The following EP300 variants were observed in gnomAD, a reference collection of about 807,000 sequenced individuals.
The protein encoded by EP300 is histone acetyltransferase p300.
Under a neutral mutation model 264.0 loss-of-function variants are expected in EP300, and 31 were observed. That is an observed-to-expected ratio of 0.12 (90% CI 0.09 to 0.16). The LOEUF is 0.16. EP300 is among the 10% of genes least tolerant of loss of function. The pLI is 1.00. For synonymous variants in EP300, 1,340 were observed against 1,045.4 expected (o/e 1.28, Z -5.44); for missense variants, 2,766 against 3,052.9 (o/e 0.91, Z 2.21).
chr22:41,096,079 TC>T (rs2058700212), intron 1 of EP300, among the ~76,000 whole-genome samples: 1 of 152,166 alleles, frequency 6.6e-6, no homozygotes, highest in South Asian at 2.1e-4. Context: ...TTGCATTTGA[TC>T]CATTGAAATT....
chr22:41,096,195 C>T (rs897711113), intron 1 of EP300, among the ~76,000 whole-genome samples: 1 of 152,024 alleles, frequency 6.6e-6, no homozygotes, highest in East Asian at 1.9e-4. Context: ...CACTTGTAAA[C>T]TTTTTTTGTA....
chr22:41,178,999 T>A lies in EP300; in HGVS notation c.*43T>A. 1 of 1,607,430 alleles carries A rather than the reference T, an allele frequency of 6.2e-7. No individual in the cohort carries two copies. Among genetic ancestry groups the A allele is most frequent in the Non-Finnish European group, 8.5e-7 (1 of 1,178,206 alleles). ...TTGGGAGCAAAAAAATTATTTTCTCTTAACAAGACTTTTTGTACTGAAAAC... is the reference window on the plus strand; with the variant it reads ...TTGGGAGCAAAAAAATTATTTTCTCATAACAAGACTTTTTGTACTGAAAAC... On this transcript the variant is annotated 3_prime_UTR_variant, in exon 31 of 31. Transcript: ENST00000263253.
chr22:41,135,852 A>C lies in EP300; in HGVS notation c.1568A>C (p.Gln523Pro). ...GGAGTAAATGGAGGTGTAGGAGTTC[A>C]AACGCCGAGTCTTCTTTCTGACTCA... ...PMGVNGGVGV[Q>P]TPSLLSDSML... The change falls in exon 7 of 31, where the codon CAA becomes CCA. Residue 523 changes from glutamine to proline, a missense_variant. By Grantham distance (76) the Gln-to-Pro change is moderately conservative. Transcript: ENST00000263253. The C allele has an allele frequency of 6.2e-7, 1 of 1,614,160 alleles. No individual in the cohort carries two copies. Among genetic ancestry groups the C allele is most frequent in the Non-Finnish European group, 8.5e-7 (1 of 1,180,016 alleles).
chr22:41,152,396 A>G (rs1255970580), intron 16 of EP300, 46 bp downstream of exon 16: 1 of 1,585,886 alleles, frequency 6.3e-7, no homozygotes, highest in Admixed American at 1.8e-5. Context: ...GAAGAAACCA[A>G]AGACCCAGGG....
At chr22:41,119,668 G>C (rs993943802) in intron 2 of EP300, among the ~76,000 whole-genome samples, 5 of 151,954 alleles carry the variant, frequency 3.3e-5, no homozygotes, top group African/African-American at 1.2e-4. Context: ...GGGGGTGTGG[G>C]ACTATTATGG....
At chr22:41,132,195 CAA>C (rs528307828) in intron 6 of EP300, among the ~76,000 whole-genome samples, 6 of 82,790 alleles carry the variant, frequency 7.2e-5, no homozygotes, top group African/African-American at 4.6e-5. Flanking sequence ...GACTCCATCT[CAA>C]AAAAAAAAAA....
intron 6 of EP300, 80 bp from the exon 7 acceptor site, chr22:41,135,733 T>TG: frequency 8.8e-7 from 1 of 1,133,872 alleles, no homozygotes; most frequent in Non-Finnish European, 1.3e-6. Context: ...GATTTGTCAT[T>TG]TGTTTCTTAA....
chr22:41,132,207 A>C (rs1271264209), intron 6 of EP300, among the ~76,000 whole-genome samples: 1 of 151,908 alleles, frequency 6.6e-6, no homozygotes. Flanking sequence ...AAAAAAAAAA[A>C]AATACTATGT....
At position 41,179,773 on chromosome 22, in the gene EP300, A is replaced by G; in HGVS notation, c.*817A>G. ...TTTTTACATCTAACAAAGTAAAAAAATTAAAAAGAGGGTAAGAAACGATTC... is the reference window on the plus strand; with the variant it reads ...TTTTTACATCTAACAAAGTAAAAAAGTTAAAAAGAGGGTAAGAAACGATTC... On this transcript the variant is annotated 3_prime_UTR_variant, in exon 31 of 31. Transcript: ENST00000263253. The G allele has an allele frequency of 4.3e-6, 1 of 231,724 alleles. No homozygotes were observed. The highest frequency in any genetic ancestry group is 8.6e-6 in the Non-Finnish European group (1 of 116,948). The allele number at this position is 231,724 out of a possible 1,614,324, so 14.4% of individuals were successfully genotyped here.
Position 41,180,047 on chromosome 22 carries a change from C to T in EP300, c.*1091C>T, listed in dbSNP as rs2059234952. 4.3e-6 allele frequency: 1 copy of T among 230,278 alleles called. No individual in the cohort carries two copies. Among genetic ancestry groups the T allele is most frequent in the South Asian group, 1.8e-4 (1 of 5,510 alleles). 14.3% of individuals were successfully genotyped at this position (230,278 alleles called of 1,614,324 possible). Reference sequence around the variant, plus strand: ...ACTGTTAAATTTGATTTCTTATTACCTATTGTTAAATAAACTGTGTGAGAC... The same window carrying T: ...ACTGTTAAATTTGATTTCTTATTACTTATTGTTAAATAAACTGTGTGAGAC... On this transcript the variant is annotated 3_prime_UTR_variant, in exon 31 of 31. Transcript: ENST00000263253.
chr22:41,108,568 C>T (rs2058771350), intron 1 of EP300, among the ~76,000 whole-genome samples: 2 of 152,194 alleles, frequency 1.3e-5, no homozygotes, highest in East Asian at 3.9e-4. Flanking sequence ...CTTTTCACAT[C>T]AGATTTATAT....
chr22:41,100,210 C>T (rs1409190992), intron 1 of EP300, among the ~76,000 whole-genome samples: 1 of 152,166 alleles, frequency 6.6e-6, no homozygotes, highest in Non-Finnish European at 1.5e-5. Context: ...ACACTCCAGC[C>T]TAGGTGACAT....
chr22:41,156,281 C>T (rs1166027303), intron 17 of EP300, among the ~76,000 whole-genome samples: 1 of 152,068 alleles, frequency 6.6e-6, no homozygotes, highest in Non-Finnish European at 1.5e-5. Flanking sequence ...CCAGAATGCC[C>T]AGATTACAGG....
At chr22:41,113,157 A>ACC (rs10529110) in intron 1 of EP300, among the ~76,000 whole-genome samples, 26,300 of 91,898 alleles carry the variant, frequency 0.29, 5,353 homozygotes, top group East Asian at 0.49. Context: ...TCAGGATTCC[A>ACC]CCCCCCCCCC....
chr22:41,106,427 C>T (rs1289576244), intron 1 of EP300, among the ~76,000 whole-genome samples: 1 of 152,140 alleles, frequency 6.6e-6, no homozygotes, highest in Admixed American at 6.6e-5. Context: ...CGCTCTGAGT[C>T]TTCTGATCTC....
chr22:41,099,061 G>A (rs768424782), intron 1 of EP300, among the ~76,000 whole-genome samples: 8 of 152,136 alleles, frequency 5.3e-5, no homozygotes, highest in Non-Finnish European at 1.2e-4. Context: ...TGGTTTGGGG[G>A]TTGTTTTTGT....
Position 41,092,898 on chromosome 22 carries a change from C to G in EP300, c.-107C>G. 6 of 1,260,006 alleles carry G rather than the reference C, an allele frequency of 4.8e-6. No homozygotes were observed. Among genetic ancestry groups the G allele is most frequent in the Non-Finnish European group, 7.0e-6 (6 of 859,092 alleles). The allele number at this position is 1,260,006 out of a possible 1,614,324, so 78.1% of individuals were successfully genotyped here. ...CTTCCCCCACCCCCTCGGGTGCCGTCGGAGCCCCCCAGCCCACCCCTGGGT... is the reference window on the plus strand; with the variant it reads ...CTTCCCCCACCCCCTCGGGTGCCGTGGGAGCCCCCCAGCCCACCCCTGGGT... On this transcript the variant is annotated 5_prime_UTR_variant, in exon 1 of 31. Coordinates refer to ENST00000263253, the MANE Select transcript of EP300 (RefSeq NM_001429.4).
intron 19 of EP300, chr22:41,158,759 G>A: frequency 4.2e-6 from 2 of 475,766 alleles, no homozygotes. Flanking sequence ...TGGCCTAGAT[G>A]GGTCTATATC....
Position 41,174,420 on chromosome 22 carries a change from A to G in EP300, c.4779+636A>G, listed in dbSNP as rs371611757. The stretch of plus-strand genomic sequence containing the variant: ...AACGAGACTCTGTTTCAAAAAATAA[A>G]AAGATTTAACCTTTCTGAAAGTGAA... On this transcript the variant is annotated intron_variant, in intron 29 of 30. Coordinates refer to ENST00000263253, the MANE Select transcript of EP300 (RefSeq NM_001429.4). Among the ~76,000 whole-genome samples, 9 of 152,312 alleles carry G rather than the reference A, an allele frequency of 5.9e-5. No homozygotes were observed. The East Asian group carries it at 1.3e-3, about 23-fold the overall frequency.
Sources: allele counts gnomAD v4.1 joint callset (sites outside exome capture counted in the v4.1 genomes callset), GRCh38; gene constraint gnomAD v4.1.1; transcripts MANE v1.5; gene names NCBI Gene and HGNC (gene_info 2026-07-23, HGNC 2026-07-21).